ISM1: variants seen among roughly 807,000 people sequenced by gnomAD.
The protein encoded by ISM1 is isthmin 1, also known as isthmin-1.
ISM1 carries 25 observed loss-of-function variants against 46.3 expected under a neutral mutation model. That is an observed-to-expected ratio of 0.54 (90% CI 0.39 to 0.75). The LOEUF is 0.75. Among genes scored for constraint, ISM1 ranks in the 30% least tolerant of loss-of-function variants. ISM1 has a pLI of 0.00. For missense variants in ISM1, 536 were observed against 625.4 expected (o/e 0.86, Z 1.52); for synonymous variants, 255 against 256.7 (o/e 0.99, Z 0.06).
intron 1 of ISM1, among the ~76,000 whole-genome samples, chr20:13,246,296 G>A: frequency 6.6e-6 from 1 of 150,536 alleles, no homozygotes; most frequent in East Asian, 1.9e-4. Flanking sequence ...AAGCTTTTCT[G>A]TGAACTGTCG....
intron 1 of ISM1, chr20:13,239,728 T>A (rs1209798604): frequency 6.6e-6 from 1 of 152,234 alleles, no homozygotes; most frequent in Non-Finnish European, 1.5e-5. Context: ...AATTCTAGAA[T>A]GTTGTTGTAG....
At chr20:13,251,256 C>A (rs558297282) in intron 1 of ISM1, among the ~76,000 whole-genome samples, 1 of 152,178 alleles carries the variant, frequency 6.6e-6, no homozygotes, top group Non-Finnish European at 1.5e-5. Context: ...TTCCATCTCA[C>A]CCCCCTTCCA....
At chr20:13,301,249 C>T (rs969160201), downstream of ISM1, among the ~76,000 whole-genome samples, 1 of 152,106 alleles carries the variant, frequency 6.6e-6, no homozygotes, top group Non-Finnish European at 1.5e-5. Context: ...AGTGCAGTGA[C>T]GTGATCTTGA....
Position 13,273,502 on chromosome 20 carries a change from C to T in ISM1, c.378+2759C>T, listed in dbSNP as rs868100407. Among the ~76,000 whole-genome samples the T allele has an allele frequency of 5.9e-5, 9 of 152,108 alleles. No homozygotes were observed. In the East Asian group the frequency reaches 9.7e-4, roughly 16 times the overall value. On this transcript the variant is annotated intron_variant, in intron 2 of 5. Transcript: ENST00000262487. The stretch of plus-strand genomic sequence containing the variant: ...TTTCCTGCCTCAGCCTCTCAAAATG[C>T]GGGGATTATAGACATGAGTCACTGC...
At chr20:13,227,904 A>G (rs1194282102) in intron 1 of ISM1, among the ~76,000 whole-genome samples, 1 of 151,402 alleles carries the variant, frequency 6.6e-6, no homozygotes, top group Non-Finnish European at 1.5e-5. Context: ...TACTACCAAT[A>G]ATTATTTAGA....
intron 1 of ISM1, among the ~76,000 whole-genome samples, chr20:13,262,125 G>A (rs73261093): frequency 0.013 from 2,053 of 152,158 alleles, 61 homozygotes; most frequent in African/African-American, 0.045. Context: ...TTTCTTTGCC[G>A]GTAATGGAGA....
intron 2 of ISM1, among the ~76,000 whole-genome samples, chr20:13,276,738 C>T (rs6041980): frequency 0.014 from 2,090 of 152,266 alleles, 55 homozygotes; most frequent in African/African-American, 0.046. Flanking sequence ...TCTTTATCAA[C>T]GGATTCTTTG....
intron 2 of ISM1, among the ~76,000 whole-genome samples, chr20:13,275,031 TAGTC>T (rs1321414443): frequency 1.3e-5 from 2 of 152,200 alleles, no homozygotes; most frequent in Admixed American, 6.5e-5. Flanking sequence ...CTGCAGCTGA[TAGTC>T]AGATATCAGA....
intron 3 of ISM1, among the ~76,000 whole-genome samples, chr20:13,280,944 T>C (rs2040232862): frequency 6.6e-6 from 1 of 152,230 alleles, no homozygotes; most frequent in Admixed American, 6.5e-5. Flanking sequence ...CAGTGGACTT[T>C]GGAATGAGCA....
At chr20:13,229,890 C>G (rs537030537) in intron 1 of ISM1, among the ~76,000 whole-genome samples, 11 of 152,130 alleles carry the variant, frequency 7.2e-5, no homozygotes. Context: ...TGGATTGACT[C>G]ATATTTCTTC....
chr20:13,287,284 G>C (rs539106317), intron 3 of ISM1, among the ~76,000 whole-genome samples: 26 of 152,298 alleles, frequency 1.7e-4, no homozygotes, highest in African/African-American at 5.8e-4. Context: ...TGTCAGGCCA[G>C]GGAGAGTTTG....
intron 1 of ISM1, among the ~76,000 whole-genome samples, chr20:13,262,243 A>G (rs537346281): frequency 7.2e-5 from 11 of 152,342 alleles, no homozygotes; most frequent in Admixed American, 5.2e-4. Context: ...GAGGGATGGA[A>G]GCCCCCTGGT....
chr20:13,261,457 G>T (rs1004979881), intron 1 of ISM1, among the ~76,000 whole-genome samples: 4 of 151,510 alleles, frequency 2.6e-5, no homozygotes, highest in African/African-American at 9.7e-5. Context: ...GAAGCTCAAA[G>T]AGTGTGGAAG....
At chr20:13,278,918 G>A (rs1450882350) in intron 2 of ISM1, among the ~76,000 whole-genome samples, 2 of 152,166 alleles carry the variant, frequency 1.3e-5, no homozygotes, top group Non-Finnish European at 1.5e-5. Context: ...AGTGGTCTAG[G>A]CTAAGCTTCC....
intron 3 of ISM1, among the ~76,000 whole-genome samples, chr20:13,285,928 T>C (rs944207847): frequency 1.3e-5 from 2 of 152,086 alleles, no homozygotes; most frequent in African/African-American, 4.8e-5. Flanking sequence ...CCAGGCTGCA[T>C]GAGATTTCTG....
intron 1 of ISM1, among the ~76,000 whole-genome samples, chr20:13,268,149 C>CTCTTCTCTTCTCTTCTCTTA (rs2040065708): frequency 1.3e-5 from 2 of 150,220 alleles, no homozygotes; most frequent in African/African-American, 4.9e-5. Flanking sequence ...CTCTTCTCTT[C>CTCTTCTCTTCTCTTCTCTTA]TCTTCCCTTC....
chr20:13,262,588 G>T (rs1020381312), intron 1 of ISM1, among the ~76,000 whole-genome samples: 23 of 151,832 alleles, frequency 1.5e-4, no homozygotes, highest in African/African-American at 4.4e-4. Context: ...GGACATAAAA[G>T]AAATCGGTCC....
chr20:13,321,814 A>AGT, the ISM1 span, among the ~76,000 whole-genome samples: 1 of 152,182 alleles, frequency 6.6e-6, no homozygotes, highest in Non-Finnish European at 1.5e-5. Context: ...GGAATGTCGA[A>AGT]GTGTGTGTAG....
intron 1 of ISM1, among the ~76,000 whole-genome samples, chr20:13,252,937 C>T (rs183200254): frequency 7.2e-5 from 11 of 152,176 alleles, no homozygotes; most frequent in East Asian, 1.9e-4. Flanking sequence ...CCAGCCCCCC[C>T]TCTCAGATCT....
Sources: gnomAD v4.1 joint callset for allele counts (sites outside exome capture counted in the v4.1 genomes callset) on GRCh38, gnomAD v4.1.1 for gene constraint, MANE v1.5 for transcripts, NCBI Gene and HGNC (gene_info 2026-07-23, HGNC 2026-07-21) for gene names.